RGS12: variants seen among roughly 807,000 people sequenced by gnomAD.
RGS12 encodes regulator of G-protein signaling 12.
A neutral mutation model predicts 120.1 loss-of-function variants in RGS12; 66 were observed. That is an observed-to-expected ratio of 0.55 (90% CI 0.45 to 0.67). The LOEUF (loss-of-function observed/expected upper bound fraction) is 0.67, where lower values mean the gene tolerates loss of function less well. RGS12 is among the 30% of genes least tolerant of loss of function. The pLI, the probability that RGS12 is intolerant of heterozygous loss-of-function variation, is 0.00. For synonymous variants in RGS12, 827 were observed against 804.7 expected (o/e 1.03, Z -0.47); for missense variants, 1,859 against 1,957.7 (o/e 0.95, Z 0.95).
chr4:3,436,308 G>A (rs906866362), intron 17 of RGS12, among the ~76,000 whole-genome samples: 1 of 152,132 alleles, frequency 6.6e-6, no homozygotes, highest in Non-Finnish European at 1.5e-5. Context: ...GGCTCCCCTC[G>A]CTCCCCCCTT....
intron 4 of RGS12, among the ~76,000 whole-genome samples, chr4:3,391,232 A>G (rs767477981): frequency 2.6e-5 from 4 of 152,236 alleles, no homozygotes; most frequent in Non-Finnish European, 5.9e-5. Context: ...ATACCGTATT[A>G]GTATTTGTAA....
intron 2 of RGS12, among the ~76,000 whole-genome samples, chr4:3,341,675 A>AGAGT: frequency 0.028 from 1 of 36 alleles, no homozygotes; most frequent in African/African-American, 0.083. Flanking sequence ...GGGAGGGGAG[A>AGAGT]TGGGGGTGTG....
chr4:3,432,055 T>A (rs1055711), intron 17 of RGS12: 245,810 of 985,088 alleles, frequency 0.25, 31,192 homozygotes, highest in East Asian at 0.45. Flanking sequence ...CCGGTGCCAC[T>A]CTGCAGCCTC....
chr4:3,375,236 G>GCCTCATCTCCAGC, intron 3 of RGS12, among the ~76,000 whole-genome samples: 16 of 150,808 alleles, frequency 1.1e-4, no homozygotes, highest in South Asian at 2.1e-4. Context: ...GTGAACTCCA[G>GCCTCATCTCCAGC]CCTCATCTCC....
At chr4:3,309,798 C>T (rs371826452) in intron 1 of RGS12, among the ~76,000 whole-genome samples, 42 of 129,838 alleles carry the variant, frequency 3.2e-4, no homozygotes, top group Middle Eastern at 5.4e-3. Context: ...TGAGGGGAAC[C>T]GTGTTGAGGA....
chr4:3,437,015 G>A (rs902593718), intron 17 of RGS12, among the ~76,000 whole-genome samples: 9 of 152,326 alleles, frequency 5.9e-5, no homozygotes, highest in Non-Finnish European at 1.3e-4. Context: ...GGCCCCTCTG[G>A]AGGTGGTGCA....
chr4:3,424,862 C>T (rs1406576425), intron 13 of RGS12, among the ~76,000 whole-genome samples: 3 of 152,242 alleles, frequency 2.0e-5, no homozygotes, highest in East Asian at 1.9e-4. Context: ...GCCTGCCCAG[C>T]GGACCAGCCC....
intron 2 of RGS12, among the ~76,000 whole-genome samples, chr4:3,321,709 T>C (rs1475441115): frequency 1.3e-5 from 2 of 152,114 alleles, no homozygotes; most frequent in Admixed American, 1.3e-4. Flanking sequence ...CCACGTCAGC[T>C]CCTCCCCCCA....
chr4:3,425,407 A>G (rs1228525543), intron 13 of RGS12, 57 bp from the exon 14 acceptor site: 5 of 1,463,398 alleles, frequency 3.4e-6, no homozygotes, highest in Non-Finnish European at 4.8e-6. Context: ...GATCACACAC[A>G]TCTGTTCCCT....
chr4:3,343,703 G>A (rs1433940538), intron 3 of RGS12, among the ~76,000 whole-genome samples: 1 of 152,046 alleles, frequency 6.6e-6, no homozygotes, highest in East Asian at 1.9e-4. Flanking sequence ...CCACCGCTGT[G>A]TATCACCGAG....
chr4:3,327,676 C>G (rs756544635), intron 2 of RGS12, among the ~76,000 whole-genome samples: 3 of 152,122 alleles, frequency 2.0e-5, no homozygotes, highest in Non-Finnish European at 4.4e-5. Context: ...AGAAAATGCC[C>G]AATATCACTA....
At chr4:3,373,249 G>T (rs908787269) in intron 3 of RGS12, among the ~76,000 whole-genome samples, 1 of 152,228 alleles carries the variant, frequency 6.6e-6, no homozygotes, top group Non-Finnish European at 1.5e-5. Flanking sequence ...CTCTTCCCTC[G>T]CGAGTCTACC....
Position 3,439,774 on chromosome 4 carries a change from C to T in RGS12, c.*90C>T, listed in dbSNP as rs1725169620. 12 of 1,262,868 alleles carry T rather than the reference C, an allele frequency of 9.5e-6. No individual in the cohort carries two copies. In the South Asian group the frequency reaches 1.6e-4, roughly 17 times the overall value. The allele number at this position is 1,262,868 out of a possible 1,614,324, so 78.2% of individuals were successfully genotyped here. A position where few individuals can be genotyped will look rare whatever the true frequency, so the allele number is the denominator to read the frequency against. On this transcript the variant is annotated 3_prime_UTR_variant, in exon 18 of 18. Transcript: ENST00000336727. Reference sequence around the variant, plus strand: ...TGGGCCTCAGGGGGGCCACCCTGGCCACCACACCCTCAGGAGCCCAGCCAG... The same window carrying T: ...TGGGCCTCAGGGGGGCCACCCTGGCTACCACACCCTCAGGAGCCCAGCCAG...
chr4:3,336,749 A>G (rs931365518), intron 2 of RGS12, among the ~76,000 whole-genome samples: 2 of 152,374 alleles, frequency 1.3e-5, no homozygotes, highest in Middle Eastern at 6.8e-3. Context: ...AACTCTACAC[A>G]TTAAAAAACG....
intron 1 of RGS12, among the ~76,000 whole-genome samples, chr4:3,294,104 T>C (rs1003144931): frequency 6.8e-6 from 1 of 148,130 alleles, no homozygotes; most frequent in Non-Finnish European, 1.5e-5. Flanking sequence ...TCTCTGTGCC[T>C]GAGTTTCCTC....
intron 2 of RGS12, among the ~76,000 whole-genome samples, chr4:3,336,524 C>T (rs1712483800): frequency 6.6e-6 from 1 of 152,132 alleles, no homozygotes; most frequent in Admixed American, 6.5e-5. Flanking sequence ...CTCTTGTGTA[C>T]AGTCTATTTG....
intron 4 of RGS12, among the ~76,000 whole-genome samples, chr4:3,400,577 G>A (rs976507172): frequency 1.3e-5 from 2 of 150,648 alleles, no homozygotes; most frequent in Non-Finnish European, 3.0e-5. Flanking sequence ...ATACTTAATA[G>A]AATACATGAA....
chr4:3,343,436 T>G (rs1713457930), intron 3 of RGS12, among the ~76,000 whole-genome samples: 1 of 152,228 alleles, frequency 6.6e-6, no homozygotes, highest in African/African-American at 2.4e-5. Flanking sequence ...GTGTTTCTTT[T>G]GTAAAGAACA....
At chr4:3,301,525 T>C (rs1016963021) in intron 1 of RGS12, among the ~76,000 whole-genome samples, 2 of 152,140 alleles carry the variant, frequency 1.3e-5, no homozygotes, top group South Asian at 2.1e-4. Context: ...TTTCAGTCTT[T>C]CTGGGGTGTT....
Sources: allele counts gnomAD v4.1 joint callset (sites outside exome capture counted in the v4.1 genomes callset), GRCh38; gene constraint gnomAD v4.1.1; transcripts MANE v1.5; gene names NCBI Gene and HGNC (gene_info 2026-07-23, HGNC 2026-07-21).